Variants in R3HDM2 observed in about 807,000 individuals in gnomAD.
R3HDM2 encodes R3H domain containing 2, also known as R3H domain-containing protein 2.
In R3HDM2, 38 loss-of-function variants were observed where a neutral mutation model predicts 124.5. The ratio of observed to expected loss-of-function variants is 0.31; its 90% confidence interval spans 0.24 to 0.40. The LOEUF (loss-of-function observed/expected upper bound fraction) is 0.40. Ranked by LOEUF, R3HDM2 falls within the 10% of genes least tolerant of loss-of-function variation. R3HDM2 has a pLI of 1.00. For missense variants in R3HDM2, 869 were observed against 1,236.9 expected, an observed-to-expected ratio of 0.70 and a Z score of 4.46; for synonymous variants, 391 against 448.0, an observed-to-expected ratio of 0.87 and a Z score of 1.61.
Position 57,310,208 on chromosome 12 carries a change from C to T in R3HDM2, c.165+56G>A, listed in dbSNP as rs918580830. 7.9e-5 allele frequency: 100 copies of T among 1,267,330 alleles called. 1 individual carries two copies. Among genetic ancestry groups the T allele is most frequent in the Non-Finnish European group, 9.6e-5 (92 of 962,236 alleles). The allele number at this position is 1,267,330 out of a possible 1,614,324, so 78.5% of individuals were successfully genotyped here. A position where few individuals can be genotyped will look rare whatever the true frequency, so the allele number is the denominator to read the frequency against. On this transcript the variant is annotated intron_variant, in intron 3 of 23. Transcript: ENST00000402412. The stretch of plus-strand genomic sequence containing the variant: ...TTGGGTAACAGACAGAGCTGGGTAA[C>T]CCTGTCTCTAAAGGAAAAAAAAAAA...
At chr12:57,295,739 G>A in intron 9 of R3HDM2, 1 of 487,878 alleles carries the variant, frequency 2.0e-6, no homozygotes, top group Non-Finnish European at 3.7e-6. Flanking sequence ...GTGAAGTGAA[G>A]AGAGGCTAGG....
chr12:57,289,144 A>G, intron 11 of R3HDM2, 104 bp from the exon 12 acceptor site: 1 of 1,123,068 alleles, frequency 8.9e-7, no homozygotes, highest in East Asian at 2.6e-5. Flanking sequence ...CTCAAACCAA[A>G]GCTCACCCCA....
chr12:57,260,295 A>G (rs2040436008), intron 19 of R3HDM2, among the ~76,000 whole-genome samples: 1 of 149,470 alleles, frequency 6.7e-6, no homozygotes, highest in Admixed American at 6.7e-5. Flanking sequence ...AGCCTGCTGA[A>G]ACAGAATGAA....
At chr12:57,383,603 GAGGCTGAGGC>G (rs1461349717) in intron 2 of R3HDM2, among the ~76,000 whole-genome samples, 2 of 152,146 alleles carry the variant, frequency 1.3e-5, no homozygotes, top group African/African-American at 2.4e-5. Flanking sequence ...AGCTGCTCGG[GAGGCTGAGGC>G]AGGAGAAACG....
rs2137693757 is a variant in R3HDM2 at position 57,276,171 on chromosome 12, C to A, written c.1344+4187G>T. Among the ~76,000 whole-genome samples, 2 of 147,116 alleles carry A rather than the reference C, an allele frequency of 1.4e-5. 1 individual carries two copies. The highest frequency in any genetic ancestry group is 7.1e-3 in the Middle Eastern group (2 of 282). On this transcript the variant is annotated intron_variant, in intron 14 of 23. Transcript: ENST00000402412. ...CTTGCAGTGAGTCAAGATCGTGCCA[C>A]TGCACTCCAGCCTGGGCGACAGAGT... is the stretch of plus-strand genomic sequence containing the variant.
intron 2 of R3HDM2, among the ~76,000 whole-genome samples, chr12:57,390,958 G>A (rs1000134788): frequency 4.6e-5 from 7 of 151,172 alleles, no homozygotes; most frequent in Non-Finnish European, 8.8e-5. Context: ...GTTGCAGTGA[G>A]CCGAGATCAT....
chr12:57,414,488 A>T (rs1450337766), intron 1 of R3HDM2, among the ~76,000 whole-genome samples: 1 of 47,880 alleles, frequency 2.1e-5, no homozygotes, highest in Non-Finnish European at 5.0e-5. Context: ...GACTCCATTA[A>T]AAAAAAAAAA....
chr12:57,310,676 A>C (rs1322036493), intron 2 of R3HDM2, among the ~76,000 whole-genome samples: 1 of 152,132 alleles, frequency 6.6e-6, no homozygotes, highest in Non-Finnish European at 1.5e-5. Context: ...TTTAAAATGT[A>C]TAATTTTATA....
At position 57,413,247 on chromosome 12, in the gene R3HDM2, T is replaced by A. The variant is rs200391686; in HGVS notation, c.-105-17429A>T. On this transcript the variant is annotated intron_variant, in intron 1 of 23. Coordinates refer to ENST00000402412, the MANE Select transcript of R3HDM2 (RefSeq NM_001394031.1). ...TGCCAATCTTCTGTGCAATATCCCA[T>A]CTCCCATGGCAAGTCACCATAACTA... Among the ~76,000 whole-genome samples the A allele has an allele frequency of 1.4e-4, 21 of 152,024 alleles. No homozygotes were observed. The East Asian group carries it at 3.1e-3, about 22-fold the overall frequency.
At chr12:57,417,069 G>C (rs993445093) in intron 1 of R3HDM2, among the ~76,000 whole-genome samples, 1 of 151,470 alleles carries the variant, frequency 6.6e-6, no homozygotes, top group African/African-American at 2.4e-5. Context: ...AGTGAGCCGA[G>C]ATCCCACCAC....
chr12:57,276,619 G>A (rs924760765), intron 14 of R3HDM2, among the ~76,000 whole-genome samples: 4 of 152,222 alleles, frequency 2.6e-5, no homozygotes, highest in Admixed American at 6.5e-5. Context: ...CGGGCACAGC[G>A]GCTCACGCCT....
intron 2 of R3HDM2, among the ~76,000 whole-genome samples, chr12:57,334,595 C>G (rs750029424): frequency 6.6e-6 from 1 of 151,852 alleles, no homozygotes; most frequent in Non-Finnish European, 1.5e-5. Context: ...ATGAATGGGG[C>G]AAGGAGTGAA....
At chr12:57,418,468 G>C (rs2069867373) in intron 1 of R3HDM2, 4 of 313,026 alleles carry the variant, frequency 1.3e-5, no homozygotes, top group Non-Finnish European at 1.4e-5. Flanking sequence ...TGGACATGTA[G>C]TGACAGTGGA....
chr12:57,386,501 C>G (rs954225846), intron 2 of R3HDM2, among the ~76,000 whole-genome samples: 1 of 152,254 alleles, frequency 6.6e-6, no homozygotes, highest in East Asian at 1.9e-4. Flanking sequence ...TAGCTGCCTC[C>G]CCTCGGGGCA....
intron 4 of R3HDM2, among the ~76,000 whole-genome samples, chr12:57,301,475 C>A (rs1279923415): frequency 6.6e-6 from 1 of 152,232 alleles, no homozygotes; most frequent in Non-Finnish European, 1.5e-5. Flanking sequence ...CTGTCACTTG[C>A]TACTGAATGT....
intron 2 of R3HDM2, among the ~76,000 whole-genome samples, chr12:57,329,477 A>T (rs971046503): frequency 6.6e-6 from 1 of 152,236 alleles, no homozygotes; most frequent in African/African-American, 2.4e-5. Flanking sequence ...ACTAAAAATC[A>T]CAAGATAACA....
At chr12:57,336,822 TAAA>T (rs34945958) in intron 2 of R3HDM2, among the ~76,000 whole-genome samples, 2 of 141,100 alleles carry the variant, frequency 1.4e-5, no homozygotes, top group African/African-American at 5.3e-5. Flanking sequence ...AATAAAAGTT[TAAA>T]AAAAAAAAAA....
intron 14 of R3HDM2, among the ~76,000 whole-genome samples, chr12:57,270,294 C>G (rs557417633): frequency 1.3e-5 from 2 of 152,368 alleles, no homozygotes; most frequent in East Asian, 3.9e-4. Flanking sequence ...TCAATCCCAG[C>G]TCACTGCAAC....
chr12:57,309,272 T>C (rs1279874512), intron 3 of R3HDM2, among the ~76,000 whole-genome samples: 2 of 152,242 alleles, frequency 1.3e-5, no homozygotes, highest in Admixed American at 6.5e-5. Context: ...TCTTGACTTA[T>C]AATAAAACCA....
Sources: gnomAD v4.1 joint callset for allele counts (sites outside exome capture counted in the v4.1 genomes callset) on GRCh38, gnomAD v4.1.1 for gene constraint, MANE v1.5 for transcripts, NCBI Gene and HGNC (gene_info 2026-07-23, HGNC 2026-07-21) for gene names.